The following JAZF1 variants were observed in gnomAD, a reference collection of about 807,000 sequenced individuals.
JAZF1 encodes the protein JAZF zinc finger 1.
JAZF1 carries 8 observed loss-of-function variants against 26.4 expected under a neutral mutation model. That is an observed-to-expected ratio of 0.30 (90% CI 0.18 to 0.55). JAZF1 has a LOEUF of 0.55. JAZF1 is among the 20% of genes least tolerant of loss of function. The pLI is 0.94. For missense variants in JAZF1, 199 were observed against 322.0 expected (o/e 0.62, Z 2.92); for synonymous variants, 126 against 122.3 (o/e 1.03, Z -0.20).
chr7:27,916,273 T>A (rs545410623), intron 2 of JAZF1, among the ~76,000 whole-genome samples: 18 of 150,276 alleles, frequency 1.2e-4, no homozygotes, highest in African/African-American at 4.2e-4. Context: ...AAAAAAAAAA[T>A]GTAAAAGGGA....
chr7:28,096,075 G>A (rs1213815903), intron 1 of JAZF1, among the ~76,000 whole-genome samples: 1 of 152,156 alleles, frequency 6.6e-6, no homozygotes, highest in East Asian at 1.9e-4. Context: ...TTTGGGGGGG[G>A]CACAAACATT....
intron 2 of JAZF1, 29 bp downstream of exon 2, chr7:27,991,880 T>A: frequency 8.4e-7 from 1 of 1,192,996 alleles, no homozygotes; most frequent in Non-Finnish European, 1.2e-6. Flanking sequence ...GATATAAGGT[T>A]GTTATAATAA....
intron 3 of JAZF1, chr7:27,844,447 G>A (rs1156669300): frequency 6.6e-6 from 1 of 152,068 alleles, no homozygotes; most frequent in Non-Finnish European, 1.5e-5. Flanking sequence ...CCTTTGCTAG[G>A]GAACTCCTTC....
intron 3 of JAZF1, among the ~76,000 whole-genome samples, chr7:27,866,190 A>C (rs1271027071): frequency 1.3e-5 from 2 of 152,248 alleles, no homozygotes; most frequent in Non-Finnish European, 2.9e-5. Context: ...GATATTTTGT[A>C]CTTAGTAATT....
At chr7:27,918,439 C>T (rs1010832459) in intron 2 of JAZF1, among the ~76,000 whole-genome samples, 13 of 152,280 alleles carry the variant, frequency 8.5e-5, no homozygotes, top group African/African-American at 3.1e-4. Context: ...ATATTAGTAT[C>T]ACCTCACTGA....
chr7:27,849,722 C>A (rs1783103704), intron 3 of JAZF1, among the ~76,000 whole-genome samples: 1 of 140,518 alleles, frequency 7.1e-6, no homozygotes, highest in Admixed American at 6.9e-5. Context: ...CTGTCAGTTT[C>A]ATGAATCAAT....
intron 2 of JAZF1, among the ~76,000 whole-genome samples, chr7:27,977,812 C>T (rs994381111): frequency 6.6e-6 from 1 of 152,190 alleles, no homozygotes; most frequent in Non-Finnish European, 1.5e-5. Flanking sequence ...CTGTGTTCTG[C>T]CTGGACTCTA....
chr7:27,999,702 C>T (rs866591451), intron 1 of JAZF1, among the ~76,000 whole-genome samples: 2 of 152,198 alleles, frequency 1.3e-5, no homozygotes, highest in African/African-American at 4.8e-5. Context: ...ATCCTAAGCC[C>T]AGTGTTCTGT....
intron 1 of JAZF1, among the ~76,000 whole-genome samples, chr7:28,062,138 C>A (rs1442093099): frequency 6.6e-6 from 1 of 152,186 alleles, no homozygotes; most frequent in East Asian, 1.9e-4. Context: ...AAACTGGGAT[C>A]TGGGATTTGG....
At chr7:27,861,776 G>A (rs1583435736) in intron 3 of JAZF1, among the ~76,000 whole-genome samples, 1 of 152,182 alleles carries the variant, frequency 6.6e-6, no homozygotes, top group Non-Finnish European at 1.5e-5. Flanking sequence ...GGATGCTCTG[G>A]TGCATAGGTG....
At chr7:28,103,883 T>TATGAAAG (rs1257894414) in intron 1 of JAZF1, among the ~76,000 whole-genome samples, 1 of 152,140 alleles carries the variant, frequency 6.6e-6, no homozygotes, top group East Asian at 1.9e-4. Context: ...AAGCACCCAT[T>TATGAAAG]CATCCATCCT....
chr7:27,834,818 C>A (rs1782774289), intron 4 of JAZF1, among the ~76,000 whole-genome samples: 1 of 152,220 alleles, frequency 6.6e-6, no homozygotes, highest in South Asian at 2.1e-4. Flanking sequence ...CGAGAACCAC[C>A]TTGTTGAACC....
At chr7:27,866,860 A>C (rs937965222) in intron 3 of JAZF1, among the ~76,000 whole-genome samples, 2 of 152,228 alleles carry the variant, frequency 1.3e-5, no homozygotes, top group African/African-American at 4.8e-5. Context: ...GGGATAAAGA[A>C]GACACGCTGT....
intron 1 of JAZF1, chr7:28,020,491 C>CT: frequency 2.2e-6 from 1 of 446,040 alleles, no homozygotes; most frequent in Non-Finnish European, 4.7e-6. Context: ...GAGTTGAAGC[C>CT]TATGACCCCT....
At chr7:27,932,795 G>C (rs75723604) in intron 2 of JAZF1, among the ~76,000 whole-genome samples, 3,066 of 152,212 alleles carry the variant, frequency 0.02, 95 homozygotes, top group African/African-American at 0.062. Flanking sequence ...AACTATTTAC[G>C]TGTGTGGTGA....
At chr7:27,894,467 A>G in intron 3 of JAZF1, among the ~76,000 whole-genome samples, 1 of 152,234 alleles carries the variant, frequency 6.6e-6, no homozygotes, top group East Asian at 1.9e-4. Flanking sequence ...TTTTGAGCAG[A>G]GTTGATCCAA....
chr7:27,913,072 G>A (rs1245976754), intron 2 of JAZF1, among the ~76,000 whole-genome samples: 1 of 151,952 alleles, frequency 6.6e-6, no homozygotes, highest in Non-Finnish European at 1.5e-5. Context: ...TACTTAGTGG[G>A]TAATTCACTG....
intron 2 of JAZF1, among the ~76,000 whole-genome samples, chr7:27,953,856 TG>T (rs1447273805): frequency 6.6e-6 from 1 of 152,206 alleles, no homozygotes; most frequent in African/African-American, 2.4e-5. Context: ...ATGTTTACCC[TG>T]GATAACTGTA....
intron 2 of JAZF1, among the ~76,000 whole-genome samples, chr7:27,958,031 G>A (rs1338831100): frequency 6.6e-6 from 1 of 152,148 alleles, no homozygotes; most frequent in African/African-American, 2.4e-5. Context: ...GAGAGAACTG[G>A]AAATTATTAT....
Sources: allele counts gnomAD v4.1 joint callset (sites outside exome capture counted in the v4.1 genomes callset), GRCh38; gene constraint gnomAD v4.1.1; transcripts MANE v1.5; gene names NCBI Gene and HGNC (gene_info 2026-07-23, HGNC 2026-07-21).